Variants in KIF13B observed in about 807,000 individuals in gnomAD.
The protein encoded by KIF13B is kinesin-like protein KIF13B.
KIF13B carries 127 observed loss-of-function variants against 222.0 expected under a neutral mutation model. The observed-to-expected ratio is 0.57, with a 90% confidence interval of 0.50 to 0.66. The LOEUF (loss-of-function observed/expected upper bound fraction) is 0.66, where lower values mean the gene tolerates loss of function less well. Ranked by LOEUF, KIF13B falls within the 30% of genes least tolerant of loss-of-function variation. The pLI is 0.00. For synonymous variants in KIF13B, 976 were observed against 919.0 expected (o/e 1.06, Z -1.12); for missense variants, 2,173 against 2,379.0 (o/e 0.91, Z 1.80).
intron 1 of KIF13B, among the ~76,000 whole-genome samples, chr8:29,261,758 C>T (rs1401693139): frequency 6.6e-6 from 1 of 151,860 alleles, no homozygotes; most frequent in African/African-American, 2.4e-5. Context: ...CACCTGACAG[C>T]TTTAATCGGA....
At chr8:29,101,801 T>C (rs1443816844) in intron 35 of KIF13B, among the ~76,000 whole-genome samples, 1 of 152,112 alleles carries the variant, frequency 6.6e-6, no homozygotes. Context: ...TGGAACAGGC[T>C]CTGCTTCAGA....
At position 29,072,279 on chromosome 8, in the gene KIF13B, G is replaced by A; in HGVS notation, c.4559C>T (p.Thr1520Met). 6.8e-7 allele frequency: 1 copy of A among 1,466,990 alleles called. No homozygotes were observed. The highest frequency in any genetic ancestry group is 9.0e-7 in the Non-Finnish European group (1 of 1,110,402). The allele number at this position is 1,466,990 out of a possible 1,614,324, so 90.9% of individuals were successfully genotyped here. ...PEMGPDVLVQTMGAPALKICD... is the reference protein window; with the variant it reads ...PEMGPDVLVQMMGAPALKICD... ...GATCTTCAAGGCCGGGGCCCCCATC[G>A]TCTGCACCAGCACGTCAGGGCCCAT... is the stretch of plus-strand genomic sequence containing the variant. Residue 1520 changes from threonine (T) to methionine (M), a missense_variant, in exon 39 of 40, where the codon ACG becomes ATG. Coordinates refer to ENST00000524189, the MANE Select transcript of KIF13B (RefSeq NM_015254.4).
At chr8:29,105,665 T>TG (rs1809029863) in intron 35 of KIF13B, among the ~76,000 whole-genome samples, 1 of 132,074 alleles carries the variant, frequency 7.6e-6, no homozygotes, top group East Asian at 2.2e-4. Flanking sequence ...TTTTTTTTTT[T>TG]TTTTTTTTTT....
intron 2 of KIF13B, among the ~76,000 whole-genome samples, chr8:29,222,904 T>C (rs1330666366): frequency 6.6e-6 from 1 of 152,116 alleles, no homozygotes; most frequent in Non-Finnish European, 1.5e-5. Context: ...TTCCTCAAAA[T>C]ATTAGAGCTG....
chr8:29,126,506 TTCC>T lies in KIF13B; in HGVS notation c.3225_3227del (p.Glu1078del). ...CCTGGTAGCTGTCCATGTCTTCCTC[TTCC>T]TCCTAAAAGAAAATATACATTACAA... On this transcript the variant is annotated inframe_deletion and splice_region_variant, in exon 26 of 40. Transcript: ENST00000524189. 4 of 1,534,526 alleles carry T rather than the reference TTCC, an allele frequency of 2.6e-6. No homozygotes were observed. The highest frequency in any genetic ancestry group is 3.6e-6 in the Non-Finnish European group (4 of 1,117,102).
chr8:29,253,519 G>A (rs1485832500), intron 1 of KIF13B, among the ~76,000 whole-genome samples: 1 of 151,552 alleles, frequency 6.6e-6, no homozygotes, highest in African/African-American at 2.4e-5. Context: ...TCACACCACT[G>A]CACTTCAGCC....
intron 37 of KIF13B, among the ~76,000 whole-genome samples, chr8:29,087,909 A>T (rs1208880257): frequency 1.3e-5 from 2 of 152,008 alleles, no homozygotes; most frequent in Non-Finnish European, 2.9e-5. Context: ...CACAAAAAAT[A>T]AATTAAAAAA....
At chr8:29,122,794 G>A (rs1158161567) in intron 28 of KIF13B, 148 bp from the exon 29 acceptor site, 6 of 661,294 alleles carry the variant, frequency 9.1e-6, no homozygotes, top group Non-Finnish European at 5.4e-6. Context: ...CAGAATCAGA[G>A]AGGCCACAAA....
At chr8:29,262,356 A>T (rs1452065794) in intron 1 of KIF13B, among the ~76,000 whole-genome samples, 1 of 152,262 alleles carries the variant, frequency 6.6e-6, no homozygotes, top group Non-Finnish European at 1.5e-5. Flanking sequence ...AGGCAAAACC[A>T]AAACTTTCTC....
chr8:29,257,911 C>T (rs540051502), intron 1 of KIF13B, among the ~76,000 whole-genome samples: 12 of 152,290 alleles, frequency 7.9e-5, no homozygotes, highest in Non-Finnish European at 1.8e-4. Context: ...CTCAAAATGC[C>T]TCTGGCCCTA....
At chr8:29,076,485 G>A (rs77947502) in intron 37 of KIF13B, among the ~76,000 whole-genome samples, 1 of 152,332 alleles carries the variant, frequency 6.6e-6, no homozygotes, top group South Asian at 2.1e-4. Flanking sequence ...TTGAGGCCTC[G>A]ATGGAGTCAG....
Position 29,142,725 on chromosome 8 carries a change from G to A in KIF13B, c.2188-422C>T, listed in dbSNP as rs180864766. 8.8e-4 allele frequency among the ~76,000 whole-genome samples: 134 copies of A among 152,246 alleles called. 2 individuals carry two copies. The highest frequency in any genetic ancestry group is 2.9e-3 in the African/African-American group (119 of 41,576). On this transcript the variant is annotated intron_variant, in intron 18 of 39. Transcript: ENST00000524189. Reference sequence around the variant, plus strand: ...GTGGTGGCACGTGCCTGTAATGCCAGCTACTTGGGAGGCTGAAGCACAAGA... The same window carrying A: ...GTGGTGGCACGTGCCTGTAATGCCAACTACTTGGGAGGCTGAAGCACAAGA...
chr8:29,237,022 A>G (rs1387668210), intron 2 of KIF13B, among the ~76,000 whole-genome samples: 1 of 152,176 alleles, frequency 6.6e-6, no homozygotes, highest in Non-Finnish European at 1.5e-5. Context: ...CCTAACTCTC[A>G]GCTTGATACT....
intron 2 of KIF13B, among the ~76,000 whole-genome samples, chr8:29,205,916 C>A (rs1813910318): frequency 2.0e-5 from 1 of 50,626 alleles, no homozygotes; most frequent in African/African-American, 6.4e-5. Flanking sequence ...AACTCCATTT[C>A]TACCAAAAAA....
chr8:29,117,105 G>A, intron 30 of KIF13B, 98 bp from the exon 31 acceptor site: 1 of 1,064,038 alleles, frequency 9.4e-7, no homozygotes, highest in Non-Finnish European at 1.3e-6. Context: ...AAGGGCACAT[G>A]CCAGTCACCA....
rs184525249 is a variant in KIF13B at position 29,089,665 on chromosome 8, G to A, written c.4458+3080C>T. 7.9e-5 allele frequency among the ~76,000 whole-genome samples: 12 copies of A among 152,104 alleles called. No individual in the cohort carries two copies. The East Asian group carries it at 1.2e-3, about 15-fold the overall frequency. On this transcript the variant is annotated intron_variant, in intron 37 of 39. Transcript: ENST00000524189. ...TCCCAGCACTTTGGGAGGCTGAGGC[G>A]GGTAGATCATTTGAGGTTAGGAGTT...
Position 29,200,127 on chromosome 8 carries a change from C to G in KIF13B, c.150-3928G>C, listed in dbSNP as rs148868217. 2.6e-5 allele frequency among the ~76,000 whole-genome samples: 4 copies of G among 152,260 alleles called. No individual in the cohort carries two copies. In the East Asian group the frequency reaches 7.7e-4, roughly 29 times the overall value. The stretch of plus-strand genomic sequence containing the variant: ...CAGAAACAAACCAGTAAATTAATTA[C>G]AGAGCTAAGTTTGCAGCTAGGGATT... On this transcript the variant is annotated intron_variant, in intron 2 of 39. Transcript: ENST00000524189.
intron 13 of KIF13B, among the ~76,000 whole-genome samples, chr8:29,156,262 T>C (rs1586854268): frequency 1.3e-5 from 2 of 152,158 alleles, no homozygotes. Context: ...TGAGTCACCA[T>C]GCCTGGCCTA....
intron 25 of KIF13B, 136 bp downstream of exon 25, chr8:29,126,986 C>CA (rs1369919172): frequency 2.4e-6 from 2 of 843,912 alleles, no homozygotes; most frequent in African/African-American, 1.7e-5. Context: ...ATGCAAGACA[C>CA]AAAAAAAGAC....
Sources: gnomAD v4.1 joint callset for allele counts (sites outside exome capture counted in the v4.1 genomes callset) on GRCh38, gnomAD v4.1.1 for gene constraint, MANE v1.5 for transcripts, NCBI Gene and HGNC (gene_info 2026-07-23, HGNC 2026-07-21) for gene names.